Variants in KCTD16 observed in about 807,000 individuals in gnomAD.
KCTD16 encodes BTB/POZ domain-containing protein KCTD16.
Under a neutral mutation model 33.2 loss-of-function variants are expected in KCTD16, and 13 were observed. The ratio of observed to expected loss-of-function variants is 0.39; its 90% CI spans 0.25 to 0.62. The LOEUF (loss-of-function observed/expected upper bound fraction) is 0.62, where lower values mean the gene tolerates loss of function less well. Among genes scored for constraint, KCTD16 ranks in the 20% least tolerant of loss-of-function variants. KCTD16 has a pLI of 0.50. For missense variants in KCTD16, 441 were observed against 525.1 expected, an observed-to-expected ratio of 0.84 and a Z score of 1.57; for synonymous variants, 197 against 195.3, an observed-to-expected ratio of 1.01 and a Z score of -0.07.
At chr5:144,379,227 A>T (rs958237541) in intron 3 of KCTD16, among the ~76,000 whole-genome samples, 1 of 152,124 alleles carries the variant, frequency 6.6e-6, no homozygotes, top group Non-Finnish European at 1.5e-5. Context: ...AACTCCCCAC[A>T]TGTTCCCATG....
rs1241758677 is a variant in KCTD16, at chr5:144,354,641, G to A, written c.833-119019G>A. Among the ~76,000 whole-genome samples, 6 of 152,098 alleles carry A rather than the reference G, an allele frequency of 3.9e-5. No individual in the cohort carries two copies. In the South Asian group the frequency reaches 6.2e-4, roughly 16 times the overall value. Reference sequence around the variant, plus strand: ...TTAAGATCTTAGTTCTAAACATTCCGACTGCAAAATTCTGAATACATTTAT... The same window carrying A: ...TTAAGATCTTAGTTCTAAACATTCCAACTGCAAAATTCTGAATACATTTAT... On this transcript the variant is annotated intron_variant, in intron 3 of 3. Transcript: ENST00000512467.
intron 2 of KCTD16, among the ~76,000 whole-genome samples, chr5:144,204,162 G>T (rs966720891): frequency 2.6e-5 from 4 of 152,200 alleles, no homozygotes; most frequent in Admixed American, 2.0e-4. Flanking sequence ...GTATCTTCAA[G>T]CTAATTTTTT....
intron 3 of KCTD16, among the ~76,000 whole-genome samples, chr5:144,215,772 A>G (rs1471678545): frequency 6.6e-6 from 1 of 152,266 alleles, no homozygotes; most frequent in Non-Finnish European, 1.5e-5. Context: ...TGGATAAGAC[A>G]TAAGTGCTTC....
In KCTD16 at chr5:144,478,763, A is replaced by G. The variant is rs1289473361; in HGVS notation, c.*4649A>G. 1 of 152,018 alleles carries G rather than the reference A, an allele frequency of 6.6e-6. No homozygotes were observed. The highest frequency in any genetic ancestry group is 1.5e-5 in the Non-Finnish European group (1 of 67,948). The allele number at this position is 152,018 out of a possible 1,614,324, so 9.4% of individuals were successfully genotyped here. A position where few individuals can be genotyped will look rare whatever the true frequency, so the allele number is the denominator to read the frequency against. ...CATTTTCTCTTACTTTCTTCCCACT[A>G]CAAATAAGTCAAAGCATGCATTATT... On this transcript the variant is annotated 3_prime_UTR_variant, in exon 4 of 4. Coordinates refer to ENST00000512467, the MANE Select transcript of KCTD16 (RefSeq NM_020768.4).
intron 1 of KCTD16, 42 bp downstream of exon 1, chr5:144,171,051 C>T (rs967129101): frequency 2.6e-5 from 4 of 152,142 alleles, no homozygotes; most frequent in Non-Finnish European, 5.9e-5. Context: ...AGATGGTTAC[C>T]CTATTTCCCT....
intron 1 of KCTD16, among the ~76,000 whole-genome samples, chr5:144,173,081 A>G (rs995452944): frequency 3.3e-5 from 5 of 152,248 alleles, no homozygotes; most frequent in African/African-American, 9.6e-5. Context: ...CGAATCCTCA[A>G]AGACCTAAAG....
chr5:144,363,343 A>C, intron 3 of KCTD16, among the ~76,000 whole-genome samples: 1 of 151,296 alleles, frequency 6.6e-6, no homozygotes, highest in Middle Eastern at 3.4e-3. Context: ...CTCTGTCTCA[A>C]TTTTTTTTTA....
At chr5:144,296,356 G>T (rs1756035287) in intron 3 of KCTD16, among the ~76,000 whole-genome samples, 1 of 152,206 alleles carries the variant, frequency 6.6e-6, no homozygotes, top group Admixed American at 6.5e-5. Flanking sequence ...GGAATTGAAA[G>T]ATTATGTAAG....
chr5:144,411,491 A>G (rs1290904856), intron 3 of KCTD16, among the ~76,000 whole-genome samples: 32 of 152,210 alleles, frequency 2.1e-4, no homozygotes, highest in Non-Finnish European at 2.9e-5. Flanking sequence ...ATGCAGAAGA[A>G]TGAAACGAGT....
chr5:144,219,513 C>CTTTTTTTTTTT (rs59442398), intron 3 of KCTD16, among the ~76,000 whole-genome samples: 33 of 77,126 alleles, frequency 4.3e-4, no homozygotes, highest in East Asian at 1.1e-3. Context: ...TGTGCTGGGC[C>CTTTTTTTTTTT]TTTTTTTTTT....
chr5:144,440,159 T>G (rs1183510757), intron 3 of KCTD16, among the ~76,000 whole-genome samples: 1 of 152,168 alleles, frequency 6.6e-6, no homozygotes, highest in Admixed American at 6.5e-5. Context: ...CCACACCGAC[T>G]TTTATACTAA....
chr5:144,379,966 C>T (rs1012613669), intron 3 of KCTD16, among the ~76,000 whole-genome samples: 1 of 152,008 alleles, frequency 6.6e-6, no homozygotes. Context: ...TCCTTACATA[C>T]ATACTCTGGT....
intron 3 of KCTD16, among the ~76,000 whole-genome samples, chr5:144,442,854 T>C (rs1387769022): frequency 2.7e-5 from 4 of 145,986 alleles, no homozygotes; most frequent in Non-Finnish European, 4.4e-5. Flanking sequence ...CTTTGCTCTA[T>C]ACTAGGTACT....
At position 144,255,243 on chromosome 5, in the gene KCTD16, T is replaced by C. The variant is rs1293754956; in HGVS notation, c.832+47697T>C. The stretch of plus-strand genomic sequence containing the variant: ...CTGTCAGTGGACATTTAAATTGTTT[T>C]CACACCTTGGCTTTTGTGAATAGTG... On this transcript the variant is annotated intron_variant, in intron 3 of 3. Transcript: ENST00000512467. Among the ~76,000 whole-genome samples, 4 of 152,224 alleles carry C rather than the reference T, an allele frequency of 2.6e-5. No individual in the cohort carries two copies. The East Asian group carries it at 7.7e-4, about 29-fold the overall frequency.
intron 3 of KCTD16, among the ~76,000 whole-genome samples, chr5:144,387,134 TTTAA>T (rs1351751220): frequency 9.4e-5 from 12 of 127,454 alleles, no homozygotes; most frequent in African/African-American, 3.3e-4. Context: ...ACCAGGCTAA[TTTAA>T]TTTTTTTTTT....
chr5:144,399,845 C>G (rs1377593510), intron 3 of KCTD16, among the ~76,000 whole-genome samples: 1 of 152,168 alleles, frequency 6.6e-6, no homozygotes, highest in African/African-American at 2.4e-5. Flanking sequence ...AAGATTGATT[C>G]TATCTCTGAT....
In KCTD16 at chr5:144,207,114, T is replaced by C. The variant is rs1753203137; in HGVS notation, c.400T>C (p.Phe134Leu). The change falls in exon 3 of 4, where the codon TTC becomes CTC. Residue 134 changes from phenylalanine (F) to leucine (L), a missense_variant. Physicochemically the swap from Phe to Leu is conservative, Grantham distance 22. Coordinates refer to ENST00000512467, the MANE Select transcript of KCTD16 (RefSeq NM_020768.4). ...PDEIKQSPDE[F>L]CHSDFEDASQ... Reference sequence around the variant, plus strand: ...TGAAATCAAGCAAAGCCCAGATGAATTCTGCCACAGTGACTTTGAAGATGC... The same window carrying C: ...TGAAATCAAGCAAAGCCCAGATGAACTCTGCCACAGTGACTTTGAAGATGC... 6.2e-7 allele frequency: 1 copy of C among 1,610,624 alleles called. No individual in the cohort carries two copies. Among genetic ancestry groups the C allele is most frequent in the South Asian group, 1.1e-5 (1 of 90,592 alleles).
At chr5:144,428,719 G>A (rs1753391382) in intron 3 of KCTD16, among the ~76,000 whole-genome samples, 1 of 152,162 alleles carries the variant, frequency 6.6e-6, no homozygotes, top group East Asian at 1.9e-4. Flanking sequence ...AAGCCAAAAG[G>A]TGGTGTCCTC....
At chr5:144,297,822 C>G (rs1011516070) in intron 3 of KCTD16, among the ~76,000 whole-genome samples, 2 of 152,206 alleles carry the variant, frequency 1.3e-5, no homozygotes, top group African/African-American at 2.4e-5. Context: ...GGCAGGCATT[C>G]GAGCCGGCAA....
Sources: gnomAD v4.1 joint callset for allele counts (sites outside exome capture counted in the v4.1 genomes callset) on GRCh38, gnomAD v4.1.1 for gene constraint, MANE v1.5 for transcripts, NCBI Gene and HGNC (gene_info 2026-07-23, HGNC 2026-07-21) for gene names.